CDH10: variants seen among roughly 807,000 people sequenced by gnomAD.
CDH10 encodes cadherin-10.
A neutral mutation model predicts 73.1 loss-of-function variants in CDH10; 30 were observed. That is an observed-to-expected ratio of 0.41 (90% CI 0.31 to 0.56). The LOEUF (loss-of-function observed/expected upper bound fraction) is 0.56. Among genes scored for constraint, CDH10 ranks in the 20% least tolerant of loss-of-function variants. CDH10 has a pLI of 0.27. For synonymous variants in CDH10, 345 were observed against 348.2 expected (o/e 0.99, Z 0.10); for missense variants, 815 against 973.7 (o/e 0.84, Z 2.17).
At chr5:24,600,342 T>C (rs575829457) in intron 1 of CDH10, among the ~76,000 whole-genome samples, 1 of 152,310 alleles carries the variant, frequency 6.6e-6, no homozygotes, top group African/African-American at 2.4e-5. Flanking sequence ...GGATTTTCTT[T>C]CTATAAATAG....
chr5:24,587,358 A>G (rs917394521), intron 2 of CDH10, among the ~76,000 whole-genome samples: 28 of 152,330 alleles, frequency 1.8e-4, no homozygotes, highest in Non-Finnish European at 4.0e-4. Context: ...TTTATAGAAA[A>G]GAGCATTATT....
At chr5:24,508,643 T>TATAGTCCCATCTTATA (rs1203783120) in intron 7 of CDH10, among the ~76,000 whole-genome samples, 1 of 152,078 alleles carries the variant, frequency 6.6e-6, no homozygotes, top group African/African-American at 2.4e-5. Flanking sequence ...CTTAACCTCC[T>TATAGTCCCATCTTATA]GAGTAGATGG....
chr5:24,510,600 C>A (rs566759654), intron 6 of CDH10, among the ~76,000 whole-genome samples: 2 of 152,294 alleles, frequency 1.3e-5, no homozygotes, highest in South Asian at 4.1e-4. Context: ...GACAAGACAG[C>A]TGCTTTCCCA....
intron 2 of CDH10, among the ~76,000 whole-genome samples, chr5:24,582,591 G>A (rs1401520273): frequency 6.6e-6 from 1 of 152,040 alleles, no homozygotes; most frequent in Non-Finnish European, 1.5e-5. Context: ...ATTTGTTAAA[G>A]TGTATACATG....
chr5:24,603,291 A>C (rs934652505), intron 1 of CDH10, among the ~76,000 whole-genome samples: 10 of 152,232 alleles, frequency 6.6e-5, no homozygotes, highest in African/African-American at 2.4e-4. Flanking sequence ...TATATGTAGA[A>C]TATAAAGAAT....
rs192325879 is a variant in CDH10, at chr5:24,581,677, G to T, written c.231+11583C>A. Among the ~76,000 whole-genome samples, 5 of 152,222 alleles carry T rather than the reference G, an allele frequency of 3.3e-5. No homozygotes were observed. In the East Asian group the frequency reaches 9.7e-4, roughly 29 times the overall value. Reference sequence around the variant, plus strand: ...ACAAGAAAACAATAGACATCCTGAAGAAACTATTGGTAAAACACTTGAAAA... The same window carrying T: ...ACAAGAAAACAATAGACATCCTGAATAAACTATTGGTAAAACACTTGAAAA... On this transcript the variant is annotated intron_variant, in intron 2 of 11. Coordinates refer to ENST00000264463, the MANE Select transcript of CDH10 (RefSeq NM_006727.5).
chr5:24,520,646 G>A (rs866602223), intron 5 of CDH10, among the ~76,000 whole-genome samples: 4 of 152,142 alleles, frequency 2.6e-5, no homozygotes, highest in African/African-American at 7.2e-5. Context: ...TTCAGGTGGC[G>A]CTACTTATAG....
chr5:24,567,236 T>G (rs1745195854), intron 2 of CDH10, among the ~76,000 whole-genome samples: 2 of 152,044 alleles, frequency 1.3e-5, no homozygotes, highest in Non-Finnish European at 2.9e-5. Context: ...GGAATTCTCA[T>G]GTACTAATTG....
intron 9 of CDH10, among the ~76,000 whole-genome samples, chr5:24,495,624 G>T (rs1240559755): frequency 6.6e-6 from 1 of 151,964 alleles, no homozygotes; most frequent in African/African-American, 2.4e-5. Flanking sequence ...CAAGGTGGGC[G>T]GATCACAAGG....
intron 2 of CDH10, among the ~76,000 whole-genome samples, chr5:24,554,525 T>TGC (rs1744695944): frequency 4.0e-5 from 6 of 150,332 alleles, no homozygotes; most frequent in African/African-American, 1.5e-4. Flanking sequence ...TGTGTGCACG[T>TGC]GCATGATTTT....
intron 1 of CDH10, among the ~76,000 whole-genome samples, chr5:24,602,363 G>T (rs2112120931): frequency 6.6e-6 from 1 of 152,228 alleles, no homozygotes; most frequent in South Asian, 2.1e-4. Context: ...CTAAATTCTG[G>T]ACCATTAAGC....
At chr5:24,499,419 C>T (rs1476967436) in intron 8 of CDH10, 1 of 152,628 alleles carries the variant, frequency 6.6e-6, no homozygotes, top group Non-Finnish European at 1.5e-5. Flanking sequence ...TGCACGATGG[C>T]TCGTGGCTGT....
intron 8 of CDH10, among the ~76,000 whole-genome samples, chr5:24,501,968 C>G (rs1304643053): frequency 2.6e-5 from 4 of 151,852 alleles, no homozygotes; most frequent in South Asian, 2.1e-4. Flanking sequence ...GCCCTGGCTG[C>G]AGTGCAGTGG....
Position 24,511,310 on chromosome 5 carries a change from A to T in CDH10, c.1002+17T>A, listed in dbSNP as rs556113555. The T allele has an allele frequency of 2.0e-6, 3 of 1,535,286 alleles. No homozygotes were observed. In the African/African-American group the frequency reaches 4.1e-5, roughly 21 times the overall value. ...TCCTGAAACACACAGATGCTTATTT[A>T]TATGGATGCTGTGCACCTTTTTCAC... On this transcript the variant is annotated intron_variant, in intron 6 of 11. Coordinates refer to ENST00000264463, the MANE Select transcript of CDH10 (RefSeq NM_006727.5).
intron 7 of CDH10, among the ~76,000 whole-genome samples, chr5:24,508,450 C>A (rs908711324): frequency 1.6e-5 from 2 of 127,328 alleles, no homozygotes; most frequent in Non-Finnish European, 3.8e-5. Flanking sequence ...AAACAGAAAC[C>A]TCTCAACTTT....
chr5:24,565,149 T>A (rs1445358827), intron 2 of CDH10, among the ~76,000 whole-genome samples: 1 of 151,774 alleles, frequency 6.6e-6, no homozygotes, highest in Non-Finnish European at 1.5e-5. Flanking sequence ...TAATCTTCAA[T>A]AGAACTGAAT....
chr5:24,594,065 T>C (rs1746290082), intron 1 of CDH10, among the ~76,000 whole-genome samples: 1 of 151,850 alleles, frequency 6.6e-6, no homozygotes, highest in Non-Finnish European at 1.5e-5. Context: ...CATCATTTCT[T>C]CAAATTTAAT....
intron 2 of CDH10, among the ~76,000 whole-genome samples, chr5:24,583,460 A>G (rs1188447501): frequency 1.3e-5 from 2 of 152,100 alleles, no homozygotes; most frequent in East Asian, 3.9e-4. Context: ...AATAATAAAC[A>G]CATAATGGCT....
At chr5:24,592,690 G>A (rs2112090275) in intron 2 of CDH10, among the ~76,000 whole-genome samples, 1 of 151,748 alleles carries the variant, frequency 6.6e-6, no homozygotes, top group Non-Finnish European at 1.5e-5. Context: ...ATTTTTACTT[G>A]CTTTTCTTCC....
Sources: gnomAD v4.1 joint callset for allele counts (sites outside exome capture counted in the v4.1 genomes callset) on GRCh38, gnomAD v4.1.1 for gene constraint, MANE v1.5 for transcripts, NCBI Gene and HGNC (gene_info 2026-07-23, HGNC 2026-07-21) for gene names.